MMEL1: variants seen among roughly 807,000 people sequenced by gnomAD.
MMEL1 encodes membrane metallo-endopeptidase-like 1.
Under a neutral mutation model 117.1 loss-of-function variants are expected in MMEL1, and 98 were observed. That is an observed-to-expected ratio of 0.84 (90% CI 0.71 to 0.99). The LOEUF (loss-of-function observed/expected upper bound fraction) is 0.99. Among genes scored for constraint, MMEL1 ranks in the 50% least tolerant of loss-of-function variants. The pLI, the probability that MMEL1 is intolerant of heterozygous loss-of-function variation, is 0.00. For synonymous variants in MMEL1, 390 were observed against 415.1 expected, an observed-to-expected ratio of 0.94 and a Z score of 0.74; for missense variants, 1,014 against 1,049.1, an observed-to-expected ratio of 0.97 and a Z score of 0.46.
In MMEL1 at chr1:2,595,167, G is replaced by A; in HGVS notation, c.1584+109C>T. ...CCTAGGGCACGGTGAGGACAGCTGT[G>A]TTAGCGCCTGGGAGGAGGGCACAGA... On this transcript the variant is annotated intron_variant, in intron 16 of 23. Transcript: ENST00000378412. The surrounding 1 kb of genome is among the most constrained non-coding windows in gnomAD (Gnocchi z 4.8). 1 of 1,001,394 alleles carries A rather than the reference G, an allele frequency of 1.0e-6. No individual in the cohort carries two copies. The highest frequency in any genetic ancestry group is 2.5e-5 in the East Asian group (1 of 40,426). The allele number at this position is 1,001,394 out of a possible 1,614,324, so 62.0% of individuals were successfully genotyped here. A position where few individuals can be genotyped will look rare whatever the true frequency, so the allele number is the denominator to read the frequency against.
chr1:2,603,826 A>G, intron 11 of MMEL1, 58 bp downstream of exon 11: 1 of 1,518,958 alleles, frequency 6.6e-7, no homozygotes, highest in Middle Eastern at 1.7e-4. Context: ...GGCCGCTTCC[A>G]TGTCCCCCAC....
Position 2,612,393 on chromosome 1 carries a change from A to G in MMEL1, c.155-189T>C, listed in dbSNP as rs1182035734. Among the ~76,000 whole-genome samples, 2 of 152,062 alleles carry G rather than the reference A, an allele frequency of 1.3e-5. No individual in the cohort carries two copies. The highest frequency in any genetic ancestry group is 2.9e-5 in the Non-Finnish European group (2 of 67,988). ...AGAGTTCACTGCAGGGGCCAGCTTC[A>G]ATCTGTGTCCTGCTGGGCTTGAATG... is the stretch of plus-strand genomic sequence containing the variant. On this transcript the variant is annotated intron_variant, in intron 2 of 23. Transcript: ENST00000378412. The surrounding 1 kb of genome is among the most constrained non-coding windows in gnomAD (Gnocchi z 5.4).
chr1:2,623,856 A>T (rs1645328095), intron 2 of MMEL1, among the ~76,000 whole-genome samples: 1 of 152,158 alleles, frequency 6.6e-6, no homozygotes, highest in South Asian at 2.1e-4. Context: ...GGCAGGTGTA[A>T]CCCCTCTCAC....
At chr1:2,591,180 ACAT>A (rs1044389328) in intron 23 of MMEL1, 91 bp from the exon 24 acceptor site, 1 of 847,798 alleles carries the variant, frequency 1.2e-6, no homozygotes, top group Middle Eastern at 2.4e-4. Context: ...CCAGCCCAAA[ACAT>A]CAGCCTAATG....
chr1:2,611,404 G>C, intron 3 of MMEL1, 64 bp from the exon 4 acceptor site: 1 of 1,298,544 alleles, frequency 7.7e-7, no homozygotes, highest in Non-Finnish European at 1.0e-6. Context: ...ACTGGAGTGG[G>C]TGTGGGCGGG....
At position 2,596,538 on chromosome 1, in the gene MMEL1, G is replaced by A. The variant is rs760640101; in HGVS notation, c.1401+23C>T. 2.5e-6 allele frequency: 4 copies of A among 1,604,708 alleles called. No homozygotes were observed. The East Asian group carries it at 6.7e-5, about 27-fold the overall frequency. ...CCCTGTGGAAGGCTGGCCCCGCGTG[G>A]GCCATGGATGAGGGGCGCCCACCAT... On this transcript the variant is annotated intron_variant, in intron 14 of 23. Transcript: ENST00000378412.
intron 9 of MMEL1, among the ~76,000 whole-genome samples, chr1:2,604,827 C>G (rs922079080): frequency 6.6e-6 from 1 of 152,186 alleles, no homozygotes; most frequent in Non-Finnish European, 1.5e-5. Flanking sequence ...GCTGCCTGGT[C>G]TGAACACATG....
rs1161513893 is a variant in MMEL1, at chr1:2,592,849, A to G, written c.1985T>C (p.Leu662Pro). Residue 662 changes from leucine to proline, a missense_variant, in exon 20 of 24, where the codon CTG becomes CCG. Transcript: ENST00000378412. ...AGCGCTCACGTTCTGTTCGTCTGCC[A>G]GGTCCCAGGAGTAGTTGCCGTACTG... Reference protein sequence around the residue: ...IYQYGNYSWDLADEQNVNGFN... With the variant: ...IYQYGNYSWDPADEQNVNGFN... 1 of 1,613,652 alleles carries G rather than the reference A, an allele frequency of 6.2e-7. No homozygotes were observed. The highest frequency in any genetic ancestry group is 1.7e-5 in the Admixed American group (1 of 60,002).
At chr1:2,619,829 A>G (rs1263525656) in intron 2 of MMEL1, among the ~76,000 whole-genome samples, 1 of 152,192 alleles carries the variant, frequency 6.6e-6, no homozygotes, top group African/African-American at 2.4e-5. Context: ...ACAGAACAGA[A>G]GATTTAGTGA....
intron 6 of MMEL1, among the ~76,000 whole-genome samples, chr1:2,608,959 T>C (rs909267912): frequency 6.6e-6 from 1 of 151,654 alleles, no homozygotes; most frequent in African/African-American, 2.4e-5. Flanking sequence ...TACATACATA[T>C]ACACACAACA....
At chr1:2,608,231 G>A (rs1038286509) in intron 6 of MMEL1, among the ~76,000 whole-genome samples, 21 of 152,044 alleles carry the variant, frequency 1.4e-4, no homozygotes, top group Non-Finnish European at 2.9e-4. Context: ...GAGGCTCCAC[G>A]AGACCCCCTG....
At chr1:2,598,155 T>A in intron 13 of MMEL1, 52 bp downstream of exon 13, 1 of 1,514,544 alleles carries the variant, frequency 6.6e-7, no homozygotes, top group Non-Finnish European at 9.2e-7. Context: ...CTCAGCATCG[T>A]GGCCTGAATG....
intron 2 of MMEL1, among the ~76,000 whole-genome samples, chr1:2,617,314 C>T (rs1428943504): frequency 6.6e-6 from 1 of 151,426 alleles, no homozygotes; most frequent in African/African-American, 2.4e-5. Flanking sequence ...GTAGTCCCAG[C>T]TACTCGGGAG....
At chr1:2,631,054 T>C (rs1448964878) in intron 1 of MMEL1, among the ~76,000 whole-genome samples, 1 of 152,224 alleles carries the variant, frequency 6.6e-6, no homozygotes, top group Non-Finnish European at 1.5e-5. Context: ...TGCACGTGTG[T>C]GCGTGTGCTC....
In MMEL1 at chr1:2,598,299, T is replaced by C. The variant is rs1644879005; in HGVS notation, c.1180A>G (p.Thr394Ala). 3 of 1,613,828 alleles carry C rather than the reference T, an allele frequency of 1.9e-6. No homozygotes were observed. Among genetic ancestry groups the C allele is most frequent in the Admixed American group, 1.7e-5 (1 of 60,002 alleles). The stretch of plus-strand genomic sequence containing the variant: ...CGCCAGACCAGGTAGTTCTGTATGG[T>C]CCTGGGGGCAGAAGGTAGAGGGTGA... ...ENIIDTYSAR[T>A]IQNYLVWRLV... The change falls in exon 13 of 24, where the codon ACC becomes GCC. Residue 394 changes from threonine (T) to alanine (A), a missense_variant and splice_region_variant. By Grantham distance (58) the Thr-to-Ala change is moderately conservative (BLOSUM62 0). Transcript: ENST00000378412.
intron 5 of MMEL1, 23 bp from the exon 6 acceptor site, chr1:2,609,442 G>A: frequency 6.2e-6 from 10 of 1,603,628 alleles, no homozygotes; most frequent in Non-Finnish European, 8.5e-6. Flanking sequence ...GAAAAGGTTG[G>A]ACAGAGGCCT....
intron 11 of MMEL1, among the ~76,000 whole-genome samples, chr1:2,600,678 C>G (rs1644916649): frequency 7.4e-6 from 1 of 135,280 alleles, no homozygotes; most frequent in Admixed American, 7.6e-5. Flanking sequence ...AGAGTGAGAC[C>G]CTGTCTCAAA....
Position 2,595,631 on chromosome 1 carries a change from C to A in MMEL1, c.1501-272G>T, listed in dbSNP as rs1162365476. Reference sequence around the variant, plus strand: ...CAGGGGTCCGGGTGGGGGCAGGGGCCCTGGAGGGGTCACTCGGCTGCCGTC... The same window carrying A: ...CAGGGGTCCGGGTGGGGGCAGGGGCACTGGAGGGGTCACTCGGCTGCCGTC... On this transcript the variant is annotated intron_variant, in intron 15 of 23. Transcript: ENST00000378412. This position sits in a 1 kb window ranked among gnomAD's most constrained non-coding sequence, Gnocchi z 4.8. Among the ~76,000 whole-genome samples the A allele has an allele frequency of 6.6e-6, 1 of 152,008 alleles. No homozygotes were observed. Among genetic ancestry groups the A allele is most frequent in the African/African-American group, 2.4e-5 (1 of 41,394 alleles).
chr1:2,632,772 C>T (rs760952658), intron 1 of MMEL1, 94 bp downstream of exon 1: 110 of 780,008 alleles, frequency 1.4e-4, no homozygotes, highest in Non-Finnish European at 7.6e-5. Flanking sequence ...AGGGGCTGAG[C>T]GCCTGGAGAG....
Sources: gnomAD v4.1 joint callset for allele counts (sites outside exome capture counted in the v4.1 genomes callset) on GRCh38, gnomAD v4.1.1 for gene constraint, Gnocchi (gnomAD v3.1) non-coding constraint, MANE v1.5 for transcripts, NCBI Gene and HGNC (gene_info 2026-07-23, HGNC 2026-07-21) for gene names.